The following ZNF804B variants were observed in gnomAD, a reference collection of about 807,000 sequenced individuals.
ZNF804B encodes zinc finger 804B.
ZNF804B carries 80 observed loss-of-function variants against 101.4 expected under a neutral mutation model. The observed-to-expected ratio is 0.79, with a 90% CI of 0.66 to 0.95. The LOEUF is 0.95. Ranked by LOEUF, ZNF804B falls within the 40% of genes least tolerant of loss-of-function variation. The probability of loss-of-function intolerance (pLI) is 0.00; values close to 1 mark genes in which losing one functional copy is unlikely to be tolerated. For synonymous variants in ZNF804B, 622 were observed against 558.8 expected, an observed-to-expected ratio of 1.11 and a Z score of -1.59; for missense variants, 1,673 against 1,561.9, an observed-to-expected ratio of 1.07 and a Z score of -1.20.
chr7:89,128,682 A>G (rs1237105735), intron 1 of ZNF804B, among the ~76,000 whole-genome samples: 1 of 151,998 alleles, frequency 6.6e-6, no homozygotes, highest in Admixed American at 6.6e-5. Flanking sequence ...ATATTTTTCT[A>G]ATGGATATTA....
At chr7:88,883,348 A>G (rs928776858) in intron 1 of ZNF804B, among the ~76,000 whole-genome samples, 5 of 152,098 alleles carry the variant, frequency 3.3e-5, no homozygotes, top group Non-Finnish European at 5.9e-5. Context: ...AAAATTAGGC[A>G]GAGAGTTGGT....
At chr7:89,096,663 C>G (rs1393088292) in intron 1 of ZNF804B, among the ~76,000 whole-genome samples, 1 of 152,138 alleles carries the variant, frequency 6.6e-6, no homozygotes, top group African/African-American at 2.4e-5. Flanking sequence ...AAACAGATGT[C>G]ATAATCTTTT....
At chr7:88,879,155 A>G (rs1791995674) in intron 1 of ZNF804B, among the ~76,000 whole-genome samples, 1 of 152,188 alleles carries the variant, frequency 6.6e-6, no homozygotes, top group African/African-American at 2.4e-5. Context: ...ATTGAATGTT[A>G]GCGTCAATTA....
chr7:88,903,859 A>G (rs953398195), intron 1 of ZNF804B, among the ~76,000 whole-genome samples: 5 of 151,918 alleles, frequency 3.3e-5, no homozygotes, highest in Non-Finnish European at 7.4e-5. Context: ...GACCTTGTTG[A>G]TGCATAGTTT....
chr7:88,809,321 ATCT>A, intron 1 of ZNF804B, among the ~76,000 whole-genome samples: 1 of 103,816 alleles, frequency 9.6e-6, no homozygotes, highest in Non-Finnish European at 2.0e-5. Context: ...CTATCTATCT[ATCT>A]ATCTATCTAT....
chr7:88,929,802 T>G (rs1792856701), intron 1 of ZNF804B, among the ~76,000 whole-genome samples: 1 of 152,032 alleles, frequency 6.6e-6, no homozygotes, highest in Non-Finnish European at 1.5e-5. Flanking sequence ...GGTATTACAA[T>G]TTTGTGATGT....
intron 1 of ZNF804B, among the ~76,000 whole-genome samples, chr7:88,826,753 T>C (rs557282467): frequency 1.3e-5 from 2 of 152,148 alleles, no homozygotes; most frequent in Non-Finnish European, 2.9e-5. Flanking sequence ...ATGATGAATA[T>C]ATTTTGCATA....
chr7:89,325,263 CAAA>C (rs1467825815), intron 2 of ZNF804B, among the ~76,000 whole-genome samples: 1 of 151,882 alleles, frequency 6.6e-6, no homozygotes. Flanking sequence ...TGTCTTTAAA[CAAA>C]ATCTCTTCTT....
intron 1 of ZNF804B, among the ~76,000 whole-genome samples, chr7:89,153,649 C>G (rs1790912651): frequency 6.6e-6 from 1 of 151,914 alleles, no homozygotes; most frequent in African/African-American, 2.4e-5. Context: ...ACGATGAAAA[C>G]TGGAATCAGA....
At chr7:88,864,508 AT>A (rs1378749851) in intron 1 of ZNF804B, among the ~76,000 whole-genome samples, 1 of 152,150 alleles carries the variant, frequency 6.6e-6, no homozygotes, top group Non-Finnish European at 1.5e-5. Flanking sequence ...GCCATATGAG[AT>A]GTCTCCAGAT....
chr7:89,122,779 G>A (rs1053786719), intron 1 of ZNF804B, among the ~76,000 whole-genome samples: 3 of 152,056 alleles, frequency 2.0e-5, no homozygotes, highest in Non-Finnish European at 2.9e-5. Context: ...ACCATGAATC[G>A]AAGCAAGCTG....
At chr7:89,083,797 T>C (rs933733341) in intron 1 of ZNF804B, among the ~76,000 whole-genome samples, 1 of 151,922 alleles carries the variant, frequency 6.6e-6, no homozygotes, top group Admixed American at 6.6e-5. Flanking sequence ...AAGAGTGTAT[T>C]TCTTCTATTT....
At chr7:89,216,774 T>G (rs2115693164) in intron 1 of ZNF804B, among the ~76,000 whole-genome samples, 1 of 152,336 alleles carries the variant, frequency 6.6e-6, no homozygotes, top group African/African-American at 2.4e-5. Flanking sequence ...TCTGCTTACT[T>G]TCTTTTCTGG....
chr7:89,135,326 G>T (rs1439376054), intron 1 of ZNF804B, among the ~76,000 whole-genome samples: 1 of 152,048 alleles, frequency 6.6e-6, no homozygotes, highest in Non-Finnish European at 1.5e-5. Context: ...TGCTGATCTT[G>T]AATACAGCCC....
chr7:89,095,302 G>A (rs1583983178), intron 1 of ZNF804B, among the ~76,000 whole-genome samples: 1 of 152,154 alleles, frequency 6.6e-6, no homozygotes, highest in African/African-American at 2.4e-5. Context: ...AGCAGCCCTT[G>A]CCAGACACAC....
intron 2 of ZNF804B, among the ~76,000 whole-genome samples, chr7:89,265,289 T>TGTGC (rs1554386370): frequency 1.7e-5 from 2 of 118,472 alleles, no homozygotes; most frequent in East Asian, 3.3e-4. Flanking sequence ...TGTGTGTGTG[T>TGTGC]GTGTGCGCGT....
intron 1 of ZNF804B, among the ~76,000 whole-genome samples, chr7:88,761,194 C>A (rs1017766497): frequency 6.6e-6 from 1 of 152,014 alleles, no homozygotes. Flanking sequence ...CATGAGAAAT[C>A]TAAGATCAGA....
rs192763292 is a variant in ZNF804B, at chr7:89,305,029, G to C, written c.250-22315G>C. On this transcript the variant is annotated intron_variant, in intron 2 of 3. Coordinates refer to ENST00000333190, the MANE Select transcript of ZNF804B (RefSeq NM_181646.5). ...TGGCTGGTTAGAGCCACTCTCTAAAGTGGGCTGGCTGCCTGGTTATGCCTT... is the reference window on the plus strand; with the variant it reads ...TGGCTGGTTAGAGCCACTCTCTAAACTGGGCTGGCTGCCTGGTTATGCCTT... Among the ~76,000 whole-genome samples, 6 of 152,126 alleles carry C rather than the reference G, an allele frequency of 3.9e-5. No individual in the cohort carries two copies. The East Asian group carries it at 7.7e-4, about 20-fold the overall frequency.
chr7:88,934,323 C>T (rs1299655390), intron 1 of ZNF804B, among the ~76,000 whole-genome samples: 2 of 151,922 alleles, frequency 1.3e-5, no homozygotes, highest in African/African-American at 4.8e-5. Flanking sequence ...AGAAACTCTT[C>T]TACACATGGA....
Sources: gnomAD v4.1 joint callset for allele counts (sites outside exome capture counted in the v4.1 genomes callset) on GRCh38, gnomAD v4.1.1 for gene constraint, MANE v1.5 for transcripts, NCBI Gene and HGNC (gene_info 2026-07-23, HGNC 2026-07-21) for gene names.